PRKDC: variants seen among roughly 807,000 people sequenced by gnomAD.
The protein encoded by PRKDC is protein kinase, DNA-activated, catalytic subunit, also known as DNA-dependent protein kinase catalytic subunit.
In PRKDC, 82 loss-of-function variants were observed where a neutral mutation model predicts 486.9. The ratio of observed to expected loss-of-function variants is 0.17; its 90% CI spans 0.14 to 0.20. PRKDC has a LOEUF of 0.20. Ranked by LOEUF, PRKDC falls within the 10% of genes least tolerant of loss-of-function variation. PRKDC has a pLI of 1.00. For missense variants in PRKDC, 4,504 were observed against 5,038.2 expected (o/e 0.89, Z 3.21); for synonymous variants, 1,895 against 1,837.0 (o/e 1.03, Z -0.81).
Position 47,782,210 on chromosome 8 carries a change from T to A in PRKDC, c.11441A>T (p.Asp3814Val). 1 of 1,614,002 alleles carries A rather than the reference T, an allele frequency of 6.2e-7. No individual in the cohort carries two copies. Among genetic ancestry groups the A allele is most frequent in the Non-Finnish European group, 8.5e-7 (1 of 1,179,888 alleles). The change falls in exon 80 of 86, where the codon GAC (aspartate) becomes GTC (valine). Residue 3814 changes from aspartate (D) to valine (V), a missense_variant. Coordinates refer to ENST00000314191, the MANE Select transcript of PRKDC (RefSeq NM_006904.7). The surrounding 1 kb of genome is among the most constrained non-coding windows in gnomAD (Gnocchi z 4.9). ...EWLENTVTLK[D>V]LLLNTMSQEE... ...TTGGGACATGGTGTTCAAAAGAAGGTCCTTCAAGGTAACAGTATTTTCAAG... is the reference window on the plus strand; with the variant it reads ...TTGGGACATGGTGTTCAAAAGAAGGACCTTCAAGGTAACAGTATTTTCAAG...
intron 7 of PRKDC, among the ~76,000 whole-genome samples, chr8:47,949,721 T>C (rs1234465990): frequency 1.3e-5 from 2 of 151,776 alleles, no homozygotes; most frequent in Admixed American, 1.3e-4. Context: ...GGGGTGACAG[T>C]TGAAAAGAAG....
At chr8:47,935,628 G>A in intron 13 of PRKDC, 104 bp downstream of exon 13, 1 of 1,308,600 alleles carries the variant, frequency 7.6e-7, no homozygotes. Context: ...CAAAAGTTGT[G>A]TCAAAGATAC....
Position 47,779,041 on chromosome 8 carries a change from C to A in PRKDC, c.11542G>T (p.Gly3848Ter). 1 of 1,602,322 alleles carries A rather than the reference C, an allele frequency of 6.2e-7. No individual in the cohort carries two copies. ...EYKDWLTKMS[G>*]KHDVGAYMLM... Reference sequence around the variant, plus strand: ...ATGTAAGCTCCAACATCATGTTTTCCTGACATTTTTGTCAGCCAATCTTTA... The same window carrying A: ...ATGTAAGCTCCAACATCATGTTTTCATGACATTTTTGTCAGCCAATCTTTA... Residue 3848 changes from glycine to a stop codon, truncating the protein, a stop_gained, in exon 81 of 86, where the codon GGA becomes TGA. Transcript: ENST00000314191. LOFTEE classifies it high-confidence loss of function.
At chr8:47,941,634 G>A (rs746222003) in intron 10 of PRKDC, among the ~76,000 whole-genome samples, 1 of 152,176 alleles carries the variant, frequency 6.6e-6, no homozygotes, top group African/African-American at 2.4e-5. Context: ...ACTGTGTGCC[G>A]CTTCCTTCGG....
At chr8:47,878,368 G>A (rs910651123) in intron 39 of PRKDC, among the ~76,000 whole-genome samples, 1 of 152,170 alleles carries the variant, frequency 6.6e-6, no homozygotes, top group Non-Finnish European at 1.5e-5. Context: ...GCCACCCAAA[G>A]TGCTGGGATT....
chr8:47,941,836 A>G (rs931501816), intron 10 of PRKDC, among the ~76,000 whole-genome samples: 3 of 152,258 alleles, frequency 2.0e-5, no homozygotes, highest in Non-Finnish European at 2.9e-5. Context: ...CAGGTAGAAT[A>G]TATTTCCTCA....
rs1206454290 is a variant in PRKDC at position 47,953,639 on chromosome 8, G to A, written c.702C>T (p.Phe234=). Residue 234 remains phenylalanine (F), a synonymous_variant, in exon 7 of 86, where the codon TTC becomes TTT. Transcript: ENST00000314191. Reference sequence around the variant, plus strand: ...CAATACCTTCTTCCATGGACTTAGTGAAGTTGCACAGAAGTGAGGACAACC... The same window carrying A: ...CAATACCTTCTTCCATGGACTTAGTAAAGTTGCACAGAAGTGAGGACAACC... ...LKGLSSLLCN[F]TKSMEEDPQT... is the part of the protein sequence containing the mutation. 6.2e-7 allele frequency: 1 copy of A among 1,613,150 alleles called. No homozygotes were observed.
intron 10 of PRKDC, among the ~76,000 whole-genome samples, chr8:47,941,134 A>G (rs538817881): frequency 1.3e-5 from 2 of 152,090 alleles, no homozygotes; most frequent in African/African-American, 4.8e-5. Context: ...CATCTCAAAA[A>G]AAAAAAAAAA....
At chr8:47,812,057 A>G (rs186581740) in intron 68 of PRKDC, among the ~76,000 whole-genome samples, 31 of 152,348 alleles carry the variant, frequency 2.0e-4, no homozygotes, top group Non-Finnish European at 4.0e-4. Context: ...CCCAGAACTT[A>G]ATGTATAATA....
At chr8:47,849,006 TG>T in intron 54 of PRKDC, 147 bp downstream of exon 54, 1 of 1,052,622 alleles carries the variant, frequency 9.5e-7, no homozygotes, top group Non-Finnish European at 1.3e-6. Flanking sequence ...CCTATTCTTA[TG>T]GTGCCTTCAC....
At chr8:47,833,415 T>C (rs2087935293) in intron 59 of PRKDC, among the ~76,000 whole-genome samples, 1 of 152,088 alleles carries the variant, frequency 6.6e-6, no homozygotes, top group East Asian at 1.9e-4. Context: ...TCTGGGCCCT[T>C]GTTCCCTCCC....
In PRKDC at chr8:47,778,558, G is replaced by A. The variant is rs774251901; in HGVS notation, c.11754C>T (p.Leu3918=). Reference sequence around the variant, plus strand: ...TGTTCAGATGTCTGTCTCCAATCCCGAGGATCCAGTGGCTGATGCATATCA... The same window carrying A: ...TGTTCAGATGTCTGTCTCCAATCCCAAGGATCCAGTGGCTGATGCATATCA... ...HALICISHWI[L]GIGDRHLNNF... The change falls in exon 83 of 86, where the codon CTC becomes CTT. Residue 3918 remains leucine (L), a synonymous_variant. Coordinates refer to ENST00000314191, the MANE Select transcript of PRKDC (RefSeq NM_006904.7). The A allele has an allele frequency of 4.6e-5, 74 of 1,613,656 alleles. No individual in the cohort carries two copies. In the Admixed American group the frequency reaches 6.3e-4, roughly 14 times the overall value.
intron 35 of PRKDC, 67 bp from the exon 36 acceptor site, chr8:47,886,214 G>C (rs1245020568): frequency 3.5e-5 from 46 of 1,307,574 alleles, no homozygotes; most frequent in Non-Finnish European, 4.5e-5. Context: ...AAGACCCTTG[G>C]GCAACTGATA....
At chr8:47,895,964 A>C (rs994310800) in intron 30 of PRKDC, among the ~76,000 whole-genome samples, 6 of 151,980 alleles carry the variant, frequency 3.9e-5, no homozygotes, top group African/African-American at 1.4e-4. Context: ...GCTTGAACCC[A>C]GGGCGCAGAG....
chr8:47,779,170 A>C lies in PRKDC; in HGVS notation c.11490-77T>G, dbSNP rs1030746513. 3 of 1,066,444 alleles carry C rather than the reference A, an allele frequency of 2.8e-6. No individual in the cohort carries two copies. In the African/African-American group the frequency reaches 4.8e-5, roughly 17 times the overall value. The allele number at this position is 1,066,444 out of a possible 1,614,324, so 66.1% of individuals were successfully genotyped here. Reference sequence around the variant, plus strand: ...GATTTCAAAGGCAAAGATCACCAAGAATTCATTGAAAAATAGCAAAGAGGC... The same window carrying C: ...GATTTCAAAGGCAAAGATCACCAAGCATTCATTGAAAAATAGCAAAGAGGC... On this transcript the variant is annotated intron_variant, in intron 80 of 85. Coordinates refer to ENST00000314191, the MANE Select transcript of PRKDC (RefSeq NM_006904.7).
rs1230313108 is a variant in PRKDC at position 47,888,541 on chromosome 8, G to C, written c.4390C>G (p.Leu1464Val). Reference protein sequence around the residue: ...ACKQLHRAGLLHNILPSQSTD... With the variant: ...ACKQLHRAGLVHNILPSQSTD... ...ACCTGAGACGGTAATATATTATGCA[G>C]AAGCCCAGCTCTGTGAAGCTGTTTA... Residue 1464 changes from leucine to valine, a missense_variant, in exon 34 of 86, where the codon CTG (leucine) becomes GTG (valine). Coordinates refer to ENST00000314191, the MANE Select transcript of PRKDC (RefSeq NM_006904.7). 5.7e-6 allele frequency: 9 copies of C among 1,572,570 alleles called. No homozygotes were observed. The highest frequency in any genetic ancestry group is 3.7e-5 in the Admixed American group (2 of 53,944).
At chr8:47,936,122 A>T (rs896080829) in intron 12 of PRKDC, among the ~76,000 whole-genome samples, 1 of 152,206 alleles carries the variant, frequency 6.6e-6, no homozygotes, top group Admixed American at 6.5e-5. Flanking sequence ...TATCCCAAGC[A>T]ACAATTCCAA....
chr8:47,794,540 T>C, intron 73 of PRKDC, 39 bp from the exon 74 acceptor site: 3 of 1,449,098 alleles, frequency 2.1e-6, no homozygotes, highest in East Asian at 2.3e-5. Context: ...GAGTAAAACA[T>C]CTCACATCAT....
intron 69 of PRKDC, among the ~76,000 whole-genome samples, chr8:47,804,667 AT>A (rs533630323): frequency 6.6e-6 from 1 of 152,012 alleles, no homozygotes; most frequent in Non-Finnish European, 1.5e-5. Context: ...TCCTGTGAAC[AT>A]TTGTGTATGA....
Sources: allele counts gnomAD v4.1 joint callset (sites outside exome capture counted in the v4.1 genomes callset), GRCh38; gene constraint gnomAD v4.1.1; non-coding constraint Gnocchi (gnomAD v3.1); transcripts MANE v1.5; gene names NCBI Gene and HGNC (gene_info 2026-07-23, HGNC 2026-07-21).